The following SLC22A3 variants were observed in gnomAD, a reference collection of about 807,000 sequenced individuals.
SLC22A3 encodes the protein EMT organic cation transporter 3.
In SLC22A3, 51 loss-of-function variants were observed where a neutral mutation model predicts 59.1. That is an observed-to-expected ratio of 0.86 (90% CI 0.69 to 1.09). SLC22A3 has a LOEUF of 1.09. Among genes scored for constraint, SLC22A3 ranks in the 50% least tolerant of loss-of-function variants. SLC22A3 has a pLI of 0.00. For missense variants in SLC22A3, 711 were observed against 726.3 expected (o/e 0.98, Z 0.24); for synonymous variants, 325 against 292.0 (o/e 1.11, Z -1.15).
rs549205396 is a variant in SLC22A3 at position 160,415,922 on chromosome 6, A to C, written c.975+5076A>C. 1.3e-5 allele frequency among the ~76,000 whole-genome samples: 2 copies of C among 152,340 alleles called. No homozygotes were observed. The highest frequency in any genetic ancestry group is 4.1e-4 in the South Asian group (2 of 4,828). Reference sequence around the variant, plus strand: ...TTACAGATAAGCTAAATTAACTACAAACTAAGATTACACCAATCTCCAGAG... The same window carrying C: ...TTACAGATAAGCTAAATTAACTACACACTAAGATTACACCAATCTCCAGAG... On this transcript the variant is annotated intron_variant, in intron 5 of 10. Coordinates refer to ENST00000275300, the MANE Select transcript of SLC22A3 (RefSeq NM_021977.4). This position sits in a 1 kb window ranked among gnomAD's most constrained non-coding sequence, Gnocchi z 4.1.
intron 1 of SLC22A3, among the ~76,000 whole-genome samples, chr6:160,362,738 T>C (rs1168864959): frequency 1.3e-5 from 2 of 152,104 alleles, no homozygotes; most frequent in African/African-American, 4.8e-5. Context: ...CCTTCTGGCA[T>C]TGTGGGTTCC....
chr6:160,408,805 A>G lies in SLC22A3; in HGVS notation c.741A>G (p.Gln247=), dbSNP rs754890347. Reference sequence around the variant, plus strand: ...GGAGGATTGTGGGAATCGTGATTCAAATGTTCTTTACCCTTGGAATCATAA... The same window carrying G: ...GGAGGATTGTGGGAATCGTGATTCAGATGTTCTTTACCCTTGGAATCATAA... ...KQRRIVGIVI[Q]MFFTLGIIIL... The change falls in exon 4 of 11, where the codon CAA becomes CAG. Residue 247 remains glutamine (Q), a synonymous_variant. Transcript: ENST00000275300. 5.6e-6 allele frequency: 9 copies of G among 1,613,724 alleles called. No homozygotes were observed. The highest frequency in any genetic ancestry group is 1.3e-5 in the African/African-American group (1 of 74,890).
chr6:160,410,666 G>A, intron 4 of SLC22A3, 63 bp from the exon 5 acceptor site: 1 of 1,006,842 alleles, frequency 9.9e-7, no homozygotes, highest in Non-Finnish European at 1.6e-6. Context: ...AAAAACTCAA[G>A]GCAATAGATT....
intron 1 of SLC22A3, among the ~76,000 whole-genome samples, chr6:160,396,671 G>A (rs188068699): frequency 1.8e-4 from 28 of 152,054 alleles, no homozygotes; most frequent in East Asian, 3.9e-4. Context: ...ACTTAGACTC[G>A]CTTTTGGCCA....
chr6:160,348,874 G>C (rs1784566811), intron 1 of SLC22A3, 26 bp downstream of exon 1: 2 of 1,553,408 alleles, frequency 1.3e-6, no homozygotes. Context: ...CCCTTTGGAA[G>C]CCGGCGGGAG....
rs866741197 is a variant in SLC22A3, at chr6:160,348,534, G to C, written c.115G>C (p.Val39Leu). 1 of 1,562,878 alleles carries C rather than the reference G, an allele frequency of 6.4e-7. No homozygotes were observed. Among genetic ancestry groups the C allele is most frequent in the Admixed American group, 1.8e-5 (1 of 56,068 alleles). The change falls in exon 1 of 11, where the codon GTG becomes CTG. Residue 39 changes from valine (V) to leucine (L), a missense_variant. Val to Leu is a conservative substitution (Grantham distance 32, BLOSUM62 1). Coordinates refer to ENST00000275300, the MANE Select transcript of SLC22A3 (RefSeq NM_021977.4). ...GVTFAFLFVG[V>L]VFLGTQPDHY... Reference sequence around the variant, plus strand: ...CACCTTCGCCTTCCTCTTCGTCGGCGTGGTCTTCCTGGGCACGCAGCCCGA... The same window carrying C: ...CACCTTCGCCTTCCTCTTCGTCGGCCTGGTCTTCCTGGGCACGCAGCCCGA...
intron 1 of SLC22A3, among the ~76,000 whole-genome samples, chr6:160,363,482 G>A (rs1583446468): frequency 6.6e-6 from 1 of 152,286 alleles, no homozygotes. Flanking sequence ...TCAGGCTCCG[G>A]TTGTCACCCC....
At chr6:160,370,165 A>T (rs1785349124) in intron 1 of SLC22A3, among the ~76,000 whole-genome samples, 1 of 152,236 alleles carries the variant, frequency 6.6e-6, no homozygotes, top group East Asian at 1.9e-4. Context: ...CTAGCCTCAG[A>T]AGTCACACTG....
intron 5 of SLC22A3, among the ~76,000 whole-genome samples, chr6:160,428,665 G>A (rs1192978269): frequency 6.6e-6 from 1 of 152,192 alleles, no homozygotes; most frequent in African/African-American, 2.4e-5. Context: ...ACTAGAAAAT[G>A]TAAATGTACT....
chr6:160,406,275 G>A (rs1032045352), intron 2 of SLC22A3, among the ~76,000 whole-genome samples: 1 of 152,160 alleles, frequency 6.6e-6, no homozygotes, highest in Admixed American at 6.5e-5. Context: ...CATATTTTAT[G>A]GAAATTTTTA....
intron 8 of SLC22A3, 116 bp from the exon 9 acceptor site, chr6:160,443,514 G>A (rs926743548): frequency 6.7e-5 from 50 of 741,756 alleles, no homozygotes; most frequent in Non-Finnish European, 9.9e-5. Context: ...TTCAAAGTTA[G>A]AAAATGCAAA....
intron 1 of SLC22A3, among the ~76,000 whole-genome samples, chr6:160,350,977 G>T (rs1784639911): frequency 6.6e-6 from 1 of 152,110 alleles, no homozygotes; most frequent in Non-Finnish European, 1.5e-5. Flanking sequence ...TGCCATCAGG[G>T]TCACCACCTG....
intron 9 of SLC22A3, among the ~76,000 whole-genome samples, chr6:160,445,314 T>C (rs1252244264): frequency 1.3e-5 from 2 of 152,074 alleles, no homozygotes; most frequent in Non-Finnish European, 2.9e-5. Flanking sequence ...CTCAAGCACC[T>C]GGTGCTAGAG....
intron 1 of SLC22A3, among the ~76,000 whole-genome samples, chr6:160,352,231 A>G (rs1275594276): frequency 6.6e-6 from 1 of 152,260 alleles, no homozygotes; most frequent in Non-Finnish European, 1.5e-5. Flanking sequence ...TAAGTCAGAA[A>G]TCAATGCCAA....
chr6:160,409,033 T>A (rs913998345), intron 4 of SLC22A3, 112 bp downstream of exon 4: 120 of 843,056 alleles, frequency 1.4e-4, no homozygotes, highest in African/African-American at 2.7e-4. Context: ...TTTTTTTTTT[T>A]ATTATACTCT....
intron 1 of SLC22A3, among the ~76,000 whole-genome samples, chr6:160,355,114 A>G (rs1205358696): frequency 6.6e-6 from 1 of 152,238 alleles, no homozygotes; most frequent in Non-Finnish European, 1.5e-5. Flanking sequence ...CGAATAAGAA[A>G]TAAGCTTTAT....
chr6:160,349,080 T>C (rs1481719750), intron 1 of SLC22A3: 26 of 985,400 alleles, frequency 2.6e-5, no homozygotes, highest in Non-Finnish European at 3.1e-5. Flanking sequence ...CACAGATACT[T>C]TGGTTTCGGG....
At chr6:160,349,126 A>AC (rs1283311948) in intron 1 of SLC22A3, 1 of 947,490 alleles carries the variant, frequency 1.1e-6, no homozygotes, top group Non-Finnish European at 1.3e-6. Flanking sequence ...CGAGTTGTAA[A>AC]CGCCTGGCGC....
At chr6:160,367,541 A>G (rs1293170285) in intron 1 of SLC22A3, among the ~76,000 whole-genome samples, 1 of 152,198 alleles carries the variant, frequency 6.6e-6, no homozygotes, top group Non-Finnish European at 1.5e-5. Flanking sequence ...TCAGGCATTG[A>G]TAGCACCTCC....
Sources: gnomAD v4.1 joint callset for allele counts (sites outside exome capture counted in the v4.1 genomes callset) on GRCh38, gnomAD v4.1.1 for gene constraint, Gnocchi (gnomAD v3.1) non-coding constraint, MANE v1.5 for transcripts, NCBI Gene and HGNC (gene_info 2026-07-23, HGNC 2026-07-21) for gene names.